The following HERPUD2 variants were observed in gnomAD, a reference collection of about 807,000 sequenced individuals.
HERPUD2 encodes the protein HERPUD family member 2, also known as homocysteine-responsive endoplasmic reticulum-resident ubiquitin-like domain member 2 protein.
A neutral mutation model predicts 49.9 loss-of-function variants in HERPUD2; 13 were observed. The observed-to-expected ratio is 0.26, with a 90% CI of 0.17 to 0.41. The LOEUF is 0.41. HERPUD2 is among the 10% of genes least tolerant of loss of function. The pLI, the probability that HERPUD2 is intolerant of heterozygous loss-of-function variation, is 1.00. For synonymous variants in HERPUD2, 172 were observed against 171.4 expected (o/e 1.00, Z -0.03); for missense variants, 449 against 492.2 (o/e 0.91, Z 0.83).
intron 3 of HERPUD2, among the ~76,000 whole-genome samples, chr7:35,671,621 G>A (rs537246294): frequency 1.3e-5 from 2 of 152,076 alleles, no homozygotes; most frequent in African/African-American, 2.4e-5. Context: ...GACTAAATAG[G>A]TAAAGCTAAT....
At chr7:35,682,920 G>C (rs749836447) in intron 2 of HERPUD2, among the ~76,000 whole-genome samples, 8 of 151,124 alleles carry the variant, frequency 5.3e-5, no homozygotes, top group Non-Finnish European at 1.0e-4. Flanking sequence ...AGAAATCATA[G>C]ACAACACAAA....
chr7:35,645,328 T>G (rs769975067), intron 5 of HERPUD2, among the ~76,000 whole-genome samples: 30 of 152,160 alleles, frequency 2.0e-4, no homozygotes, highest in Non-Finnish European at 3.1e-4. Flanking sequence ...TTCCCTATAG[T>G]CATAGATACT....
chr7:35,651,544 C>T (rs1785167336), intron 5 of HERPUD2, among the ~76,000 whole-genome samples: 1 of 152,068 alleles, frequency 6.6e-6, no homozygotes, highest in Non-Finnish European at 1.5e-5. Flanking sequence ...GCCAAAGTGG[C>T]CTACCCGAAC....
chr7:35,682,814 T>C (rs1785943668), intron 2 of HERPUD2, among the ~76,000 whole-genome samples: 2 of 140,286 alleles, frequency 1.4e-5, no homozygotes, highest in South Asian at 4.6e-4. Flanking sequence ...CAACCCCTTT[T>C]ACAACAGCTG....
At chr7:35,693,300 A>G (rs1347689086) in intron 2 of HERPUD2, among the ~76,000 whole-genome samples, 1 of 152,224 alleles carries the variant, frequency 6.6e-6, no homozygotes, top group East Asian at 1.9e-4. Context: ...TTTTAAACTA[A>G]TGTCCATGTA....
chr7:35,638,530 A>T (rs1784911339), intron 5 of HERPUD2, 58 bp from the exon 6 acceptor site: 2 of 1,524,150 alleles, frequency 1.3e-6, no homozygotes, highest in South Asian at 2.5e-5. Flanking sequence ...GTATTATTCT[A>T]AATTTTCATT....
At chr7:35,656,479 T>TA (rs1785277846) in intron 5 of HERPUD2, among the ~76,000 whole-genome samples, 1 of 151,912 alleles carries the variant, frequency 6.6e-6, no homozygotes, top group Admixed American at 6.6e-5. Flanking sequence ...AAAATTCATA[T>TA]AGAACAAAAA....
intron 2 of HERPUD2, among the ~76,000 whole-genome samples, chr7:35,678,683 C>A (rs1256861998): frequency 1.3e-5 from 2 of 152,118 alleles, no homozygotes; most frequent in African/African-American, 4.8e-5. Flanking sequence ...AGAAAAAATA[C>A]TTTGATGTTA....
rs547143591 is a variant in HERPUD2, at chr7:35,672,834, A to G, written c.225+367T>C. ...CCCAACTCAAGCAATTTGTATAAAA[A>G]TATCATGCAGCTGGCAAAAAGGAGA... On this transcript the variant is annotated intron_variant, in intron 3 of 8. Coordinates refer to ENST00000311350, the MANE Select transcript of HERPUD2 (RefSeq NM_022373.5). Among the ~76,000 whole-genome samples, 34 of 152,108 alleles carry G rather than the reference A, an allele frequency of 2.2e-4. 1 individual carries two copies. Among genetic ancestry groups the G allele is most frequent in the Non-Finnish European group, 4.0e-4 (27 of 67,950 alleles).
At position 35,638,436 on chromosome 7, in the gene HERPUD2, T is replaced by G. The variant is rs778478375; in HGVS notation, c.531A>C (p.Pro177=). ...VDNQFPGQAA[P]PGFPVYPAFS... ...ACGCGGGATACACTGGGAATCCAGG[T>G]GGAGCAGCTTGCCCAGGAAATTGGT... is the stretch of plus-strand genomic sequence containing the variant. The change falls in exon 6 of 9, where the codon CCA becomes CCC. Residue 177 remains proline (P), a synonymous_variant. Coordinates refer to ENST00000311350, the MANE Select transcript of HERPUD2 (RefSeq NM_022373.5). The G allele has an allele frequency of 1.2e-6, 2 of 1,613,748 alleles. No individual in the cohort carries two copies. Among genetic ancestry groups the G allele is most frequent in the Non-Finnish European group, 1.7e-6 (2 of 1,179,722 alleles).
intron 5 of HERPUD2, among the ~76,000 whole-genome samples, chr7:35,649,156 C>T (rs1388269600): frequency 6.6e-6 from 1 of 151,346 alleles, no homozygotes; most frequent in Non-Finnish European, 1.5e-5. Context: ...GAGGCTAAGG[C>T]AGGAGAATGG....
At chr7:35,668,428 T>C (rs1785584417) in intron 4 of HERPUD2, 1 of 152,802 alleles carries the variant, frequency 6.5e-6, no homozygotes, top group Non-Finnish European at 1.5e-5. Context: ...GTGTTTCATG[T>C]ACATTTAAAA....
Position 35,657,595 on chromosome 7 carries a change from C to A in HERPUD2, c.494+9839G>T, listed in dbSNP as rs1180706249. 8.9e-5 allele frequency among the ~76,000 whole-genome samples: 11 copies of A among 123,496 alleles called. No individual in the cohort carries two copies. The East Asian group carries it at 2.5e-3, about 28-fold the overall frequency. The allele number at this position is 123,496 out of a possible 152,430, so 81.0% of individuals were successfully genotyped here. On this transcript the variant is annotated intron_variant, in intron 5 of 8. Transcript: ENST00000311350. ...CTCCAGCCTGGGCAACAGAGCAAGA[C>A]CTTCTCTCAAAAAAAAAAAAAAAAA...
chr7:35,682,357 G>A (rs150737600), intron 2 of HERPUD2, among the ~76,000 whole-genome samples: 7,161 of 25,246 alleles, frequency 0.28, 1,434 homozygotes, highest in African/African-American at 0.45. Flanking sequence ...GTGTGTGTGT[G>A]TATATATATA....
At position 35,633,787 on chromosome 7, in the gene HERPUD2, G is replaced by C; in HGVS notation, c.1124C>G (p.Ala375Gly). The change falls in exon 9 of 9, where the codon GCA (alanine) becomes GGA (glycine). Residue 375 changes from alanine to glycine, a missense_variant. Coordinates refer to ENST00000311350, the MANE Select transcript of HERPUD2 (RefSeq NM_022373.5). ...AGCCATTAATCCAGGCCTTTGAATTGCACTGGCATCTTCACCTCCATCTTC... is the reference window on the plus strand; with the variant it reads ...AGCCATTAATCCAGGCCTTTGAATTCCACTGGCATCTTCACCTCCATCTTC... Reference protein sequence around the residue: ...SGEDGGEDASAIQRPGLMASA... With the variant: ...SGEDGGEDASGIQRPGLMASA... The C allele has an allele frequency of 6.2e-6, 10 of 1,613,918 alleles. 1 individual carries two copies. Among genetic ancestry groups the C allele is most frequent in the Non-Finnish European group, 8.5e-6 (10 of 1,179,906 alleles).
intron 2 of HERPUD2, among the ~76,000 whole-genome samples, chr7:35,676,223 A>G (rs1037518099): frequency 2.0e-5 from 3 of 152,226 alleles, no homozygotes; most frequent in African/African-American, 7.2e-5. Flanking sequence ...TATGTGTTGA[A>G]GAAATTGTCT....
chr7:35,638,285 G>T, intron 6 of HERPUD2, 65 bp downstream of exon 6: 2 of 1,441,238 alleles, frequency 1.4e-6, no homozygotes, highest in South Asian at 1.4e-5. Flanking sequence ...ACTTACTTAG[G>T]ATAAAAAGAA....
chr7:35,686,547 G>A lies in HERPUD2; in HGVS notation c.147+7637C>T, dbSNP rs532989384. Among the ~76,000 whole-genome samples the A allele has an allele frequency of 1.9e-4, 27 of 144,254 alleles. No homozygotes were observed. In the South Asian group the frequency reaches 5.6e-3, roughly 30 times the overall value. The allele number at this position is 144,254 out of a possible 152,430, so 94.6% of individuals were successfully genotyped here. A position where few individuals can be genotyped will look rare whatever the true frequency, so the allele number is the denominator to read the frequency against. On this transcript the variant is annotated intron_variant, in intron 2 of 8. Coordinates refer to ENST00000311350, the MANE Select transcript of HERPUD2 (RefSeq NM_022373.5). Reference sequence around the variant, plus strand: ...CACCCGGCTAAAACGGTGAAACCCCGTCTCTACTAAAAATACAAAAAATTA... The same window carrying A: ...CACCCGGCTAAAACGGTGAAACCCCATCTCTACTAAAAATACAAAAAATTA...
At chr7:35,655,595 G>C (rs1268463054) in intron 5 of HERPUD2, among the ~76,000 whole-genome samples, 2 of 152,140 alleles carry the variant, frequency 1.3e-5, no homozygotes, top group African/African-American at 4.8e-5. Context: ...TACTGAGTAA[G>C]TAAATCTGAA....
Sources: gnomAD v4.1 joint callset for allele counts (sites outside exome capture counted in the v4.1 genomes callset) on GRCh38, gnomAD v4.1.1 for gene constraint, MANE v1.5 for transcripts, NCBI Gene and HGNC (gene_info 2026-07-23, HGNC 2026-07-21) for gene names.